The following LRP1B variants were observed in gnomAD, a reference collection of about 807,000 sequenced individuals.
The protein encoded by LRP1B is low-density lipoprotein receptor-related protein 1B.
LRP1B carries 217 observed loss-of-function variants against 556.6 expected under a neutral mutation model. That is an observed-to-expected ratio of 0.39 (90% confidence interval 0.35 to 0.44). The LOEUF (loss-of-function observed/expected upper bound fraction) is 0.44. LRP1B is among the 20% of genes least tolerant of loss of function. LRP1B has a pLI of 1.00. For synonymous variants in LRP1B, 2,047 were observed against 1,865.8 expected (o/e 1.10, Z -2.50); for missense variants, 5,053 against 5,620.8 (o/e 0.90, Z 3.23).
chr2:141,379,671 A>T (rs1689566978), intron 3 of LRP1B, among the ~76,000 whole-genome samples: 1 of 152,132 alleles, frequency 6.6e-6, no homozygotes, highest in Non-Finnish European at 1.5e-5. Context: ...CCCAACTTTT[A>T]TGGCTGCTAC....
At chr2:140,859,899 G>T (rs1692738136) in intron 27 of LRP1B, among the ~76,000 whole-genome samples, 1 of 152,086 alleles carries the variant, frequency 6.6e-6, no homozygotes, top group African/African-American at 2.4e-5. Context: ...GGAGGCTGAG[G>T]CAGGAGAATG....
chr2:140,706,116 C>T (rs931127581), intron 37 of LRP1B, among the ~76,000 whole-genome samples: 2 of 152,184 alleles, frequency 1.3e-5, no homozygotes, highest in Middle Eastern at 6.8e-3. Context: ...AACATAGATT[C>T]TTGGCATCTA....
chr2:140,448,545 T>C (rs1686760529), intron 63 of LRP1B, among the ~76,000 whole-genome samples: 1 of 152,016 alleles, frequency 6.6e-6, no homozygotes, highest in Non-Finnish European at 1.5e-5. Flanking sequence ...ATATGTAGAC[T>C]CTAAGAAAGT....
At chr2:141,057,419 C>G (rs1482386808) in intron 9 of LRP1B, among the ~76,000 whole-genome samples, 1 of 151,754 alleles carries the variant, frequency 6.6e-6, no homozygotes, top group African/African-American at 2.4e-5. Context: ...GCTTGTTCAT[C>G]CCACCACCTG....
At chr2:140,814,437 A>C (rs1171732440) in intron 31 of LRP1B, among the ~76,000 whole-genome samples, 1 of 152,188 alleles carries the variant, frequency 6.6e-6, no homozygotes, top group Non-Finnish European at 1.5e-5. Flanking sequence ...ATCTGTGTTC[A>C]TAGCTAGTTA....
At chr2:141,594,166 G>A (rs1480581060) in intron 2 of LRP1B, among the ~76,000 whole-genome samples, 3 of 152,036 alleles carry the variant, frequency 2.0e-5, no homozygotes, top group African/African-American at 7.2e-5. Flanking sequence ...TCTCACCATC[G>A]AGTAGGGGAC....
intron 41 of LRP1B, among the ~76,000 whole-genome samples, chr2:140,667,723 C>T (rs1685328881): frequency 6.6e-6 from 1 of 152,152 alleles, no homozygotes; most frequent in African/African-American, 2.4e-5. Flanking sequence ...TTCTCTTTGT[C>T]TGAGTCTCAG....
At chr2:141,384,232 A>T (rs567167647) in intron 3 of LRP1B, among the ~76,000 whole-genome samples, 10 of 152,276 alleles carry the variant, frequency 6.6e-5, no homozygotes, top group African/African-American at 2.4e-4. Context: ...AGGAAAAAAA[A>T]ATGTTAAAAG....
At chr2:140,860,982 CT>C (rs1692772375) in intron 27 of LRP1B, among the ~76,000 whole-genome samples, 2 of 111,196 alleles carry the variant, frequency 1.8e-5, no homozygotes, top group South Asian at 5.3e-4. Flanking sequence ...GTGCATCTAT[CT>C]ATCTATCTAT....
intron 1 of LRP1B, among the ~76,000 whole-genome samples, chr2:141,881,867 T>A (rs183949519): frequency 6.6e-6 from 1 of 152,126 alleles, no homozygotes; most frequent in Non-Finnish European, 1.5e-5. Flanking sequence ...AAAAGGTTAA[T>A]GTAATAAAGA....
chr2:141,950,651 GCTTT>G (rs1439643833), intron 1 of LRP1B, among the ~76,000 whole-genome samples: 2 of 152,110 alleles, frequency 1.3e-5, no homozygotes, highest in African/African-American at 4.8e-5. Flanking sequence ...TATTAAATAT[GCTTT>G]TTTTTCTTAG....
At chr2:140,946,458 G>C (rs949289822) in intron 20 of LRP1B, among the ~76,000 whole-genome samples, 2 of 151,950 alleles carry the variant, frequency 1.3e-5, no homozygotes, top group African/African-American at 4.8e-5. Context: ...AAATTAGCTG[G>C]GTATGGTGGC....
At chr2:142,096,749 A>C (rs1169340453) in intron 1 of LRP1B, among the ~76,000 whole-genome samples, 1 of 151,680 alleles carries the variant, frequency 6.6e-6, no homozygotes, top group Non-Finnish European at 1.5e-5. Flanking sequence ...TTTTAAATTC[A>C]GAAGGTGCAT....
chr2:141,460,282 T>A (rs1156732851), intron 3 of LRP1B, among the ~76,000 whole-genome samples: 1 of 152,212 alleles, frequency 6.6e-6, no homozygotes, highest in Non-Finnish European at 1.5e-5. Context: ...TCTCAATGAA[T>A]CCAACATTCA....
At chr2:141,275,058 C>T (rs113951481) in intron 3 of LRP1B, among the ~76,000 whole-genome samples, 79 of 152,202 alleles carry the variant, frequency 5.2e-4, no homozygotes, top group Non-Finnish European at 9.3e-4. Context: ...ACAGAAGAGC[C>T]TACACATGAG....
intron 2 of LRP1B, among the ~76,000 whole-genome samples, chr2:141,751,395 C>A (rs971012653): frequency 6.6e-6 from 1 of 151,852 alleles, no homozygotes; most frequent in Non-Finnish European, 1.5e-5. Context: ...TTTTTAAAAT[C>A]TTAAGATATT....
chr2:140,295,189 T>C (rs945849419), intron 84 of LRP1B, among the ~76,000 whole-genome samples: 1 of 152,142 alleles, frequency 6.6e-6, no homozygotes, highest in African/African-American at 2.4e-5. Context: ...ATTAGTGTTA[T>C]ACAATAATAT....
At chr2:141,348,079 T>A (rs950693328) in intron 3 of LRP1B, among the ~76,000 whole-genome samples, 1 of 152,072 alleles carries the variant, frequency 6.6e-6, no homozygotes, top group African/African-American at 2.4e-5. Context: ...GTCACATACA[T>A]CTTATAGTGC....
intron 3 of LRP1B, among the ~76,000 whole-genome samples, chr2:141,337,169 A>G (rs1256814846): frequency 6.6e-6 from 1 of 152,178 alleles, no homozygotes; most frequent in Non-Finnish European, 1.5e-5. Context: ...ACAAAAGATG[A>G]GTTTCAATTG....
Sources: allele counts gnomAD v4.1 joint callset (sites outside exome capture counted in the v4.1 genomes callset), GRCh38; gene constraint gnomAD v4.1.1; transcripts MANE v1.5; gene names NCBI Gene and HGNC (gene_info 2026-07-23, HGNC 2026-07-21).